The following CAMTA1 variants were observed in gnomAD, a reference collection of about 807,000 sequenced individuals.
The protein encoded by CAMTA1 is calmodulin binding transcription activator 1.
CAMTA1 carries 27 observed loss-of-function variants against 170.9 expected under a neutral mutation model. The ratio of observed to expected loss-of-function variants is 0.16; its 90% CI spans 0.12 to 0.22. The LOEUF (loss-of-function observed/expected upper bound fraction) is 0.22, where lower values mean the gene tolerates loss of function less well. Among genes scored for constraint, CAMTA1 ranks in the 10% least tolerant of loss-of-function variants. CAMTA1 has a pLI of 1.00. For missense variants in CAMTA1, 1,619 were observed against 2,217.2 expected, an observed-to-expected ratio of 0.73 and a Z score of 5.42; for synonymous variants, 833 against 891.5, an observed-to-expected ratio of 0.93 and a Z score of 1.17.
chr1:6,862,697 C>T (rs939041102), intron 3 of CAMTA1, among the ~76,000 whole-genome samples: 1 of 152,156 alleles, frequency 6.6e-6, no homozygotes, highest in Admixed American at 6.5e-5. Flanking sequence ...ATGGTGCATG[C>T]CCCCTGTTTC....
intron 4 of CAMTA1, among the ~76,000 whole-genome samples, chr1:7,193,523 G>C (rs762211314): frequency 1.3e-5 from 2 of 151,850 alleles, no homozygotes; most frequent in Non-Finnish European, 2.9e-5. Context: ...CTAAAGTTCA[G>C]TGGCACTTAC....
chr1:6,830,892 C>T (rs189402648), intron 3 of CAMTA1, among the ~76,000 whole-genome samples: 36 of 152,216 alleles, frequency 2.4e-4, no homozygotes, highest in Admixed American at 2.0e-3. Context: ...GATCTCGGCT[C>T]ACTGCAAGCT....
intron 3 of CAMTA1, among the ~76,000 whole-genome samples, chr1:6,840,097 G>T (rs1171080857): frequency 1.3e-5 from 2 of 152,156 alleles, no homozygotes; most frequent in Non-Finnish European, 2.9e-5. Context: ...CTACTCGGAG[G>T]CTGAGGCAGG....
chr1:7,252,615 C>A (rs905961597), intron 5 of CAMTA1, among the ~76,000 whole-genome samples: 1 of 152,174 alleles, frequency 6.6e-6, no homozygotes, highest in African/African-American at 2.4e-5. Context: ...TTGGACTCTG[C>A]GTCCGTCTTT....
intron 3 of CAMTA1, among the ~76,000 whole-genome samples, chr1:7,081,763 G>A (rs1640042263): frequency 1.3e-5 from 2 of 152,230 alleles, no homozygotes; most frequent in African/African-American, 4.8e-5. Context: ...TGGTTGCTGT[G>A]CAGCATGTGG....
chr1:7,203,848 TC>T (rs1280166757), intron 4 of CAMTA1, among the ~76,000 whole-genome samples: 1 of 151,350 alleles, frequency 6.6e-6, no homozygotes, highest in African/African-American at 2.4e-5. Context: ...TTTTTTTTTT[TC>T]GAGACGGAGT....
intron 4 of CAMTA1, among the ~76,000 whole-genome samples, chr1:7,142,381 T>C (rs908994922): frequency 3.3e-5 from 5 of 152,148 alleles, no homozygotes; most frequent in African/African-American, 1.2e-4. Flanking sequence ...CGAACTGCAA[T>C]GATGGGGAGA....
At chr1:7,708,453 A>C (rs2149620792) in intron 11 of CAMTA1, among the ~76,000 whole-genome samples, 1 of 152,282 alleles carries the variant, frequency 6.6e-6, no homozygotes, top group South Asian at 2.1e-4. Context: ...AGCCATGATC[A>C]TGCCACTGCT....
chr1:6,976,773 G>C (rs1292287525), intron 3 of CAMTA1, among the ~76,000 whole-genome samples: 2 of 152,210 alleles, frequency 1.3e-5, no homozygotes, highest in Non-Finnish European at 2.9e-5. Context: ...TGGTTTCGCT[G>C]TGTCCCCACC....
chr1:7,353,482 A>G (rs143131970), intron 5 of CAMTA1, among the ~76,000 whole-genome samples: 3,151 of 148,944 alleles, frequency 0.021, 107 homozygotes, highest in African/African-American at 0.073. Flanking sequence ...CTGGAGTGCA[A>G]TGGCATGATC....
At chr1:7,621,139 G>T (rs777810998) in intron 6 of CAMTA1, among the ~76,000 whole-genome samples, 1 of 152,226 alleles carries the variant, frequency 6.6e-6, no homozygotes, top group African/African-American at 2.4e-5. Context: ...CTGATTAGGG[G>T]CTGGTGAACT....
At chr1:6,845,052 G>C (rs1043325189) in intron 3 of CAMTA1, among the ~76,000 whole-genome samples, 4 of 152,170 alleles carry the variant, frequency 2.6e-5, no homozygotes, top group Non-Finnish European at 5.9e-5. Context: ...GAAGAGCCAC[G>C]AAAGCACCTC....
intron 3 of CAMTA1, among the ~76,000 whole-genome samples, chr1:6,874,976 G>A (rs1669418122): frequency 6.6e-6 from 1 of 152,214 alleles, no homozygotes; most frequent in Admixed American, 6.5e-5. Context: ...GAGTGTGTAA[G>A]AATGCCTGTT....
rs535368845 is a variant in CAMTA1 at position 7,408,686 on chromosome 1, C to T, written c.439-59144C>T. 9.8e-5 allele frequency among the ~76,000 whole-genome samples: 15 copies of T among 152,350 alleles called. No homozygotes were observed. In the South Asian group the frequency reaches 3.1e-3, roughly 32 times the overall value. ...GCTATCAGCTTCTGGGCACTGCCAT[C>T]TACAGTAAGCCCTGGGCGCCAGGCG... On this transcript the variant is annotated intron_variant, in intron 5 of 22. Transcript: ENST00000303635.
In CAMTA1 at chr1:7,724,331, G is replaced by T. The variant is rs2096668954; in HGVS notation, c.2915-8117G>T. ...ATACCAATACTAGTTTCTTAGTTTT[G>T]ACAAATGTGCCATGGTTACATAAGA... On this transcript the variant is annotated intron_variant, in intron 11 of 22. Coordinates refer to ENST00000303635, the MANE Select transcript of CAMTA1 (RefSeq NM_015215.4). Among the ~76,000 whole-genome samples, 2 of 152,152 alleles carry T rather than the reference G, an allele frequency of 1.3e-5. 1 individual carries two copies. The highest frequency in any genetic ancestry group is 4.1e-4 in the South Asian group (2 of 4,834).
chr1:7,267,222 C>T (rs1480656405), intron 5 of CAMTA1, among the ~76,000 whole-genome samples: 1 of 152,068 alleles, frequency 6.6e-6, no homozygotes, highest in Admixed American at 6.6e-5. Flanking sequence ...AGTAGAGTTA[C>T]CTTTATGGCT....
intron 4 of CAMTA1, among the ~76,000 whole-genome samples, chr1:7,150,649 C>G (rs533524352): frequency 6.6e-6 from 1 of 152,070 alleles, no homozygotes; most frequent in Non-Finnish European, 1.5e-5. Flanking sequence ...TCACCCCTCA[C>G]CGAGAACCAC....
At chr1:7,600,453 A>G (rs1173386362) in intron 6 of CAMTA1, among the ~76,000 whole-genome samples, 1 of 150,658 alleles carries the variant, frequency 6.6e-6, no homozygotes. Flanking sequence ...CGCTGGCCTC[A>G]TAAAATGAGT....
chr1:7,440,396 G>A (rs964913180), intron 5 of CAMTA1, among the ~76,000 whole-genome samples: 2 of 152,250 alleles, frequency 1.3e-5, no homozygotes, highest in Non-Finnish European at 1.5e-5. Flanking sequence ...AGGCCTGGCC[G>A]GGCCAGACAG....
Sources: allele counts gnomAD v4.1 joint callset (sites outside exome capture counted in the v4.1 genomes callset), GRCh38; gene constraint gnomAD v4.1.1; transcripts MANE v1.5; gene names NCBI Gene and HGNC (gene_info 2026-07-23, HGNC 2026-07-21).